The following OXSR1 variants were observed in gnomAD, a reference collection of about 807,000 sequenced individuals.
The protein encoded by OXSR1 is serine/threonine-protein kinase OSR1.
In OXSR1, 24 loss-of-function variants were observed where a neutral mutation model predicts 79.8. The observed-to-expected ratio is 0.30, with a 90% CI of 0.22 to 0.42. OXSR1 has a LOEUF of 0.42. OXSR1 is among the 10% of genes least tolerant of loss of function. The probability of loss-of-function intolerance (pLI) is 1.00; values close to 1 mark genes in which losing one functional copy is unlikely to be tolerated. For missense variants in OXSR1, 430 were observed against 618.4 expected, an observed-to-expected ratio of 0.70 and a Z score of 3.23; for synonymous variants, 226 against 209.2, an observed-to-expected ratio of 1.08 and a Z score of -0.69.
At chr3:38,209,694 G>T (rs1327650541) in intron 4 of OXSR1, among the ~76,000 whole-genome samples, 1 of 151,166 alleles carries the variant, frequency 6.6e-6, no homozygotes, top group Non-Finnish European at 1.5e-5. Context: ...GAGTGCAGTG[G>T]CGCAATCTCG....
intron 13 of OXSR1, among the ~76,000 whole-genome samples, chr3:38,246,968 T>C (rs1703154212): frequency 6.6e-6 from 1 of 152,122 alleles, no homozygotes; most frequent in Non-Finnish European, 1.5e-5. Flanking sequence ...CTGATTTTTT[T>C]TTTTTTCTTT....
chr3:38,184,706 T>C (rs1701847167), intron 2 of OXSR1, among the ~76,000 whole-genome samples: 2 of 152,060 alleles, frequency 1.3e-5, no homozygotes, highest in Admixed American at 1.3e-4. Context: ...TGCTAGGTAC[T>C]TCAGTGTACT....
chr3:38,180,809 T>G (rs1178376869), intron 1 of OXSR1, among the ~76,000 whole-genome samples: 1 of 151,940 alleles, frequency 6.6e-6, no homozygotes, highest in Non-Finnish European at 1.5e-5. Flanking sequence ...GCTGGGATTA[T>G]AGGCATGAGC....
chr3:38,197,949 G>T (rs1702097342), intron 3 of OXSR1, among the ~76,000 whole-genome samples: 2 of 152,098 alleles, frequency 1.3e-5, no homozygotes, highest in South Asian at 2.1e-4. Flanking sequence ...TTTTGTTTTG[G>T]TTCTGTGATT....
rs574201707 is a variant in OXSR1 at position 38,187,887 on chromosome 3, A to G, written c.184-2844A>G. ...AGGTGTGAGCCACTGTACCTGGCCT[A>G]TAAAGGAATTCACTTTATAGGTGGT... On this transcript the variant is annotated intron_variant, in intron 2 of 17. Transcript: ENST00000311806. Among the ~76,000 whole-genome samples the G allele has an allele frequency of 8.5e-5, 13 of 152,252 alleles. No individual in the cohort carries two copies. The East Asian group carries it at 2.1e-3, about 25-fold the overall frequency.
intron 2 of OXSR1, among the ~76,000 whole-genome samples, chr3:38,188,399 T>C (rs1198157612): frequency 6.6e-6 from 1 of 152,214 alleles, no homozygotes; most frequent in Non-Finnish European, 1.5e-5. Flanking sequence ...TACAGAAGAA[T>C]TGCAAAAGTA....
At chr3:38,178,226 C>T (rs1442646531) in intron 1 of OXSR1, among the ~76,000 whole-genome samples, 1 of 152,146 alleles carries the variant, frequency 6.6e-6, no homozygotes, top group Admixed American at 6.5e-5. Context: ...GCTGGGATTA[C>T]AGGTGTGAGC....
intron 6 of OXSR1, among the ~76,000 whole-genome samples, chr3:38,223,377 C>T (rs929749043): frequency 1.2e-4 from 18 of 151,880 alleles, no homozygotes; most frequent in African/African-American, 4.4e-4. Flanking sequence ...CCTCATCCTC[C>T]CACCTCAGCC....
At chr3:38,196,228 G>A (rs1429790719) in intron 3 of OXSR1, among the ~76,000 whole-genome samples, 2 of 152,138 alleles carry the variant, frequency 1.3e-5, no homozygotes, top group Non-Finnish European at 1.5e-5. Context: ...TATTAATTGG[G>A]TTATTCAGTG....
At position 38,167,231 on chromosome 3, in the gene OXSR1, C is replaced by G. The variant is rs139961091; in HGVS notation, c.70+1285C>G. On this transcript the variant is annotated intron_variant, in intron 1 of 17. Transcript: ENST00000311806. ...AAGATTTGAAGGGGGTCCAGGAATACCAGTTGGCAGAGACCAAAACTTGCA... is the reference window on the plus strand; with the variant it reads ...AAGATTTGAAGGGGGTCCAGGAATAGCAGTTGGCAGAGACCAAAACTTGCA... Among the ~76,000 whole-genome samples the G allele has an allele frequency of 3.6e-4, 55 of 152,314 alleles. No individual in the cohort carries two copies. The East Asian group carries it at 9.4e-3, about 26-fold the overall frequency.
In OXSR1 at chr3:38,246,179, A is replaced by G. The variant is rs374066633; in HGVS notation, c.1215A>G (p.Gln405=). 5 of 1,613,756 alleles carry G rather than the reference A, an allele frequency of 3.1e-6. No homozygotes were observed. The highest frequency in any genetic ancestry group is 2.2e-5 in the East Asian group (1 of 44,888). The change falls in exon 13 of 18, where the codon CAA becomes CAG. Residue 405 remains glutamine (Q), a synonymous_variant. Transcript: ENST00000311806. ...GGCAGATTGCTACACAGCCAACTCA[A>G]GTCTCTCTCCCACCCACCGCAGAGC... The part of the protein sequence containing the change: ...PAGQIATQPT[Q]VSLPPTAEPA...
At chr3:38,170,275 A>G (rs1424965704) in intron 1 of OXSR1, among the ~76,000 whole-genome samples, 1 of 151,656 alleles carries the variant, frequency 6.6e-6, no homozygotes, top group East Asian at 1.9e-4. Context: ...CGAACTCCTT[A>G]CCTCAGATGA....
chr3:38,177,488 G>C (rs895602491), intron 1 of OXSR1, among the ~76,000 whole-genome samples: 1 of 152,210 alleles, frequency 6.6e-6, no homozygotes, highest in East Asian at 1.9e-4. Flanking sequence ...TTCCTAAACT[G>C]TTGTCAAAAT....
chr3:38,183,048 A>G lies in OXSR1; in HGVS notation c.116A>G (p.Lys39Arg). 6.2e-7 allele frequency: 1 copy of G among 1,613,438 alleles called. No homozygotes were observed. Among genetic ancestry groups the G allele is most frequent in the Admixed American group, 1.7e-5 (1 of 59,930 alleles). ...GTCCAAGCAGCTTATTGTGCCCCTAAAAAGGAGAAAGTGGCAATCAAACGG... is the reference window on the plus strand; with the variant it reads ...GTCCAAGCAGCTTATTGTGCCCCTAGAAAGGAGAAAGTGGCAATCAAACGG... ...AVVQAAYCAP[K>R]KEKVAIKRIN... Residue 39 changes from lysine (K) to arginine (R), a missense_variant, in exon 2 of 18, where the codon AAA (lysine) becomes AGA (arginine). Coordinates refer to ENST00000311806, the MANE Select transcript of OXSR1 (RefSeq NM_005109.3).
chr3:38,195,554 GA>G (rs1160315256), intron 3 of OXSR1, among the ~76,000 whole-genome samples: 3 of 152,156 alleles, frequency 2.0e-5, no homozygotes, highest in African/African-American at 7.2e-5. Flanking sequence ...AGTAGCTAAA[GA>G]TTTATTAAAA....
intron 4 of OXSR1, among the ~76,000 whole-genome samples, chr3:38,202,076 A>G (rs1406174393): frequency 6.6e-6 from 1 of 152,214 alleles, no homozygotes; most frequent in Non-Finnish European, 1.5e-5. Context: ...AAGTTAGAGT[A>G]GTCATAGTAG....
intron 4 of OXSR1, among the ~76,000 whole-genome samples, chr3:38,200,560 G>C (rs1410448994): frequency 6.6e-6 from 1 of 152,144 alleles, no homozygotes; most frequent in Non-Finnish European, 1.5e-5. Flanking sequence ...ATTTAAAGGG[G>C]AGGAACAGGG....
chr3:38,178,487 G>A (rs1701715349), intron 1 of OXSR1, among the ~76,000 whole-genome samples: 1 of 151,196 alleles, frequency 6.6e-6, no homozygotes, highest in Admixed American at 6.6e-5. Context: ...TCACCCAGGC[G>A]GAGTGTGGTG....
chr3:38,183,398 A>G (rs1244473576), intron 2 of OXSR1, among the ~76,000 whole-genome samples: 1 of 152,128 alleles, frequency 6.6e-6, no homozygotes, highest in East Asian at 1.9e-4. Context: ...TGCTCTTTTC[A>G]TTTAATAATT....
Sources: allele counts gnomAD v4.1 joint callset (sites outside exome capture counted in the v4.1 genomes callset), GRCh38; gene constraint gnomAD v4.1.1; transcripts MANE v1.5; gene names NCBI Gene and HGNC (gene_info 2026-07-23, HGNC 2026-07-21).